FAM168A: variants seen among roughly 807,000 people sequenced by gnomAD.
The protein encoded by FAM168A is family with sequence similarity 168 member A, also known as protein FAM168A.
Under a neutral mutation model 28.5 loss-of-function variants are expected in FAM168A, and 3 were observed. The observed-to-expected ratio is 0.11, with a 90% CI of 0.05 to 0.27. FAM168A has a LOEUF of 0.27. Ranked by LOEUF, FAM168A falls within the 10% of genes least tolerant of loss-of-function variation. FAM168A has a pLI of 1.00. For synonymous variants in FAM168A, 122 were observed against 124.2 expected (o/e 0.98, Z 0.12); for missense variants, 222 against 311.5 (o/e 0.71, Z 2.16).
chr11:73,553,674 T>A (rs916186856), intron 1 of FAM168A, among the ~76,000 whole-genome samples: 16 of 152,160 alleles, frequency 1.1e-4, no homozygotes, highest in Admixed American at 2.0e-4. Context: ...ACAGTGTATA[T>A]CAAGAGCCTT....
intron 1 of FAM168A, among the ~76,000 whole-genome samples, chr11:73,492,467 T>C (rs887390894): frequency 5.3e-5 from 8 of 151,814 alleles, no homozygotes; most frequent in Non-Finnish European, 1.0e-4. Context: ...TGAAACCCCA[T>C]CTCTACAAAA....
chr11:73,450,496 C>T (rs1274229347), intron 2 of FAM168A, among the ~76,000 whole-genome samples: 1 of 152,132 alleles, frequency 6.6e-6, no homozygotes, highest in Non-Finnish European at 1.5e-5. Context: ...AAAATCACTG[C>T]TATAAAGTAT....
chr11:73,566,498 C>A (rs1944021162), intron 1 of FAM168A, among the ~76,000 whole-genome samples: 2 of 152,180 alleles, frequency 1.3e-5, no homozygotes, highest in South Asian at 4.1e-4. Flanking sequence ...CATGGAAAGA[C>A]AATTAAGCAT....
intron 1 of FAM168A, among the ~76,000 whole-genome samples, chr11:73,583,651 G>A (rs1408890708): frequency 6.6e-6 from 1 of 152,208 alleles, no homozygotes; most frequent in African/African-American, 2.4e-5. Context: ...AGTCAGAGTA[G>A]ACCAATTAAG....
chr11:73,548,041 C>A (rs931588991), intron 1 of FAM168A, among the ~76,000 whole-genome samples: 5 of 152,126 alleles, frequency 3.3e-5, no homozygotes, highest in Non-Finnish European at 7.4e-5. Context: ...GTCAAACTCA[C>A]AGAAACAAAT....
At chr11:73,567,173 G>C (rs1242141554) in intron 1 of FAM168A, among the ~76,000 whole-genome samples, 1 of 152,128 alleles carries the variant, frequency 6.6e-6, no homozygotes, top group Non-Finnish European at 1.5e-5. Context: ...TGGAGAGAAA[G>C]GAATAGATTC....
At chr11:73,596,488 C>T (rs1173875953) in intron 1 of FAM168A, among the ~76,000 whole-genome samples, 2 of 152,118 alleles carry the variant, frequency 1.3e-5, no homozygotes, top group Non-Finnish European at 2.9e-5. Context: ...TTTGGGCTGA[C>T]TTGACTTCCA....
chr11:73,471,291 T>C (rs544412731), intron 1 of FAM168A, among the ~76,000 whole-genome samples: 7 of 152,154 alleles, frequency 4.6e-5, no homozygotes, highest in Non-Finnish European at 1.0e-4. Context: ...CACAGGGTAG[T>C]CCTTTAACTT....
intron 3 of FAM168A, among the ~76,000 whole-genome samples, chr11:73,428,294 C>T (rs917188359): frequency 6.6e-6 from 1 of 152,188 alleles, no homozygotes; most frequent in Non-Finnish European, 1.5e-5. Flanking sequence ...CACACTCATA[C>T]CTGAGAAAAC....
intron 1 of FAM168A, chr11:73,580,482 AC>A: frequency 1.6e-6 from 1 of 620,438 alleles, no homozygotes. Context: ...GCCAAAACAG[AC>A]CAGGGACAGA....
chr11:73,421,439 A>C (rs759443148), intron 3 of FAM168A, among the ~76,000 whole-genome samples: 24 of 152,306 alleles, frequency 1.6e-4, no homozygotes, highest in Non-Finnish European at 1.2e-4. Context: ...GAGAAATGAG[A>C]AGGAAATCAT....
At chr11:73,488,070 T>C (rs1230823080) in intron 1 of FAM168A, among the ~76,000 whole-genome samples, 1 of 152,156 alleles carries the variant, frequency 6.6e-6, no homozygotes. Context: ...AAACACACAA[T>C]TATGTTTACT....
At chr11:73,423,662 G>A (rs1281625824) in intron 3 of FAM168A, among the ~76,000 whole-genome samples, 5 of 152,016 alleles carry the variant, frequency 3.3e-5, no homozygotes, top group South Asian at 2.1e-4. Context: ...CACCTACTAC[G>A]AAGCCTTTCC....
chr11:73,535,284 A>G (rs1943562686), intron 1 of FAM168A, among the ~76,000 whole-genome samples: 1 of 152,130 alleles, frequency 6.6e-6, no homozygotes, highest in Admixed American at 6.6e-5. Flanking sequence ...GAATCACACA[A>G]GGCTGGAGTT....
chr11:73,432,183 C>T (rs544195799), intron 2 of FAM168A, among the ~76,000 whole-genome samples: 5 of 152,254 alleles, frequency 3.3e-5, no homozygotes, highest in South Asian at 4.1e-4. Context: ...TGTTGAGGGA[C>T]GCCCAGGTTG....
chr11:73,566,070 T>C (rs1053650062), intron 1 of FAM168A, among the ~76,000 whole-genome samples: 13 of 152,236 alleles, frequency 8.5e-5, no homozygotes, highest in African/African-American at 2.4e-5. Context: ...TCAAGCTTTA[T>C]TACCTTTTAT....
chr11:73,447,658 C>T (rs1387688247), intron 2 of FAM168A, among the ~76,000 whole-genome samples: 1 of 151,746 alleles, frequency 6.6e-6, no homozygotes. Flanking sequence ...CTTATATGTC[C>T]CACATGGGAG....
intron 1 of FAM168A, among the ~76,000 whole-genome samples, chr11:73,517,478 T>C (rs1943319246): frequency 6.6e-6 from 1 of 152,182 alleles, no homozygotes. Flanking sequence ...AATTCATAGA[T>C]TTCTAAGTCC....
At chr11:73,442,576 G>A (rs946045068) in intron 2 of FAM168A, among the ~76,000 whole-genome samples, 5 of 151,782 alleles carry the variant, frequency 3.3e-5, no homozygotes, top group East Asian at 1.9e-4. Flanking sequence ...TAATTTTCAC[G>A]TAACTGTGAA....
Sources: allele counts gnomAD v4.1 joint callset (sites outside exome capture counted in the v4.1 genomes callset), GRCh38; gene constraint gnomAD v4.1.1; transcripts MANE v1.5; gene names NCBI Gene and HGNC (gene_info 2026-07-23, HGNC 2026-07-21).